Variants in SCFD1 observed in about 807,000 individuals in gnomAD.
SCFD1 encodes sec1 family domain containing 1, also known as sec1 family domain-containing protein 1.
Under a neutral mutation model 103.2 loss-of-function variants are expected in SCFD1, and 37 were observed. That is an observed-to-expected ratio of 0.36 (90% confidence interval 0.28 to 0.47). The LOEUF is 0.47. Among genes scored for constraint, SCFD1 ranks in the 20% least tolerant of loss-of-function variants. The probability of loss-of-function intolerance (pLI) is 1.00; values close to 1 mark genes in which losing one functional copy is unlikely to be tolerated. For synonymous variants in SCFD1, 264 were observed against 245.0 expected (o/e 1.08, Z -0.73); for missense variants, 639 against 761.2 (o/e 0.84, Z 1.89).
chr14:30,732,348 C>T (rs1384370501), intron 23 of SCFD1, among the ~76,000 whole-genome samples: 1 of 152,162 alleles, frequency 6.6e-6, no homozygotes, highest in Non-Finnish European at 1.5e-5. Context: ...GAGCAGACAT[C>T]CTTGTCTTCT....
intron 23 of SCFD1, among the ~76,000 whole-genome samples, chr14:30,734,055 C>T (rs185750228): frequency 5.1e-4 from 78 of 152,230 alleles, no homozygotes; most frequent in African/African-American, 1.7e-3. Flanking sequence ...AGATGGCCAT[C>T]TAGGACATGT....
chr14:30,735,558 T>C (rs1048130120), intron 24 of SCFD1, 28 bp from the exon 25 acceptor site: 9 of 1,517,232 alleles, frequency 5.9e-6, no homozygotes, highest in Non-Finnish European at 8.2e-6. Context: ...TTTAAAAGTT[T>C]TATGTATGAT....
intron 19 of SCFD1, among the ~76,000 whole-genome samples, chr14:30,709,854 A>G (rs1382855383): frequency 1.3e-5 from 2 of 152,228 alleles, no homozygotes; most frequent in Non-Finnish European, 2.9e-5. Flanking sequence ...TAGACTGGCT[A>G]TTACATAACC....
chr14:30,695,505 G>A (rs919179422), intron 15 of SCFD1, among the ~76,000 whole-genome samples: 3 of 152,118 alleles, frequency 2.0e-5, no homozygotes, highest in Non-Finnish European at 4.4e-5. Context: ...AGGAAAGGGA[G>A]AGAGGTGGAG....
chr14:30,691,319 C>G (rs557281026), intron 14 of SCFD1, among the ~76,000 whole-genome samples: 2 of 152,208 alleles, frequency 1.3e-5, no homozygotes, highest in African/African-American at 4.8e-5. Context: ...CTCTGGTACC[C>G]TAGAGCTGTA....
chr14:30,628,061 A>T (rs1883706824), intron 1 of SCFD1, 148 bp from the exon 2 acceptor site: 1 of 553,964 alleles, frequency 1.8e-6, no homozygotes. Context: ...ACAAGATCTG[A>T]CCCCTAGTTC....
Position 30,666,408 on chromosome 14 carries a change from G to A in SCFD1, c.856-3848G>A, listed in dbSNP as rs1197108696. Among the ~76,000 whole-genome samples, 3 of 152,324 alleles carry A rather than the reference G, an allele frequency of 2.0e-5. No homozygotes were observed. In the East Asian group the frequency reaches 5.8e-4, roughly 29 times the overall value. ...TGGGACACATTTAAAGCAGTGTGTA[G>A]AGGGAAATTTATAGCACTAAATGCC... On this transcript the variant is annotated intron_variant, in intron 10 of 24. Coordinates refer to ENST00000458591, the MANE Select transcript of SCFD1 (RefSeq NM_016106.4).
chr14:30,683,495 G>C, intron 14 of SCFD1: 1 of 350,818 alleles, frequency 2.9e-6, no homozygotes, highest in Non-Finnish European at 5.5e-6. Flanking sequence ...ATGAGCTCCT[G>C]TTGTTTTGCC....
intron 23 of SCFD1, 189 bp from the exon 24 acceptor site, chr14:30,734,601 G>A: frequency 1.8e-6 from 1 of 550,774 alleles, no homozygotes; most frequent in Non-Finnish European, 3.3e-6. Context: ...AAAATACTAT[G>A]CTCATTTCAC....
chr14:30,678,694 T>A (rs1346537373), intron 14 of SCFD1, among the ~76,000 whole-genome samples: 2 of 152,150 alleles, frequency 1.3e-5, no homozygotes, highest in Admixed American at 6.5e-5. Flanking sequence ...GCATAGTTGA[T>A]GAGATGAGAG....
intron 14 of SCFD1, among the ~76,000 whole-genome samples, chr14:30,683,876 G>A (rs1416504867): frequency 6.6e-6 from 1 of 152,130 alleles, no homozygotes; most frequent in Admixed American, 6.6e-5. Flanking sequence ...CTGCTGAATG[G>A]TTATTGGGGA....
intron 10 of SCFD1, among the ~76,000 whole-genome samples, chr14:30,666,931 A>T (rs986892994): frequency 1.3e-5 from 2 of 152,204 alleles, no homozygotes; most frequent in African/African-American, 4.8e-5. Flanking sequence ...ACCCAAAAAA[A>T]AAGTCCAGGA....
intron 7 of SCFD1, chr14:30,643,850 A>T: frequency 2.3e-6 from 1 of 426,050 alleles, no homozygotes; most frequent in Non-Finnish European, 4.6e-6. Flanking sequence ...TTTATTTTTA[A>T]TTTTTTTTTA....
chr14:30,641,536 G>A (rs1885275242), intron 6 of SCFD1, among the ~76,000 whole-genome samples: 1 of 152,198 alleles, frequency 6.6e-6, no homozygotes, highest in Non-Finnish European at 1.5e-5. Context: ...TAAAAGGTTT[G>A]AAGTGTCTAC....
chr14:30,639,550 T>A (rs568765685), intron 5 of SCFD1, among the ~76,000 whole-genome samples: 1 of 152,216 alleles, frequency 6.6e-6, no homozygotes, highest in Admixed American at 6.5e-5. Context: ...GAAAATGTTA[T>A]TCTCCTCCTT....
chr14:30,720,418 A>C (rs554154072), intron 21 of SCFD1, among the ~76,000 whole-genome samples: 21 of 152,296 alleles, frequency 1.4e-4, no homozygotes, highest in Admixed American at 1.3e-4. Flanking sequence ...ACAATGGATT[A>C]GCAACTTTTT....
chr14:30,680,527 A>T (rs1889388163), intron 14 of SCFD1, among the ~76,000 whole-genome samples: 1 of 152,214 alleles, frequency 6.6e-6, no homozygotes, highest in Non-Finnish European at 1.5e-5. Flanking sequence ...TGTTCTCTCT[A>T]CCATGCTGTA....
intron 1 of SCFD1, among the ~76,000 whole-genome samples, chr14:30,626,964 G>A (rs1024542782): frequency 6.6e-6 from 1 of 152,154 alleles, no homozygotes; most frequent in Non-Finnish European, 1.5e-5. Flanking sequence ...GGTGATTTTA[G>A]TATTACATAG....
intron 19 of SCFD1, among the ~76,000 whole-genome samples, chr14:30,713,972 G>T (rs1876633240): frequency 6.6e-6 from 1 of 152,056 alleles, no homozygotes; most frequent in South Asian, 2.1e-4. Flanking sequence ...ATTTAAATCT[G>T]CACCCAGTTA....
Sources: gnomAD v4.1 joint callset for allele counts (sites outside exome capture counted in the v4.1 genomes callset) on GRCh38, gnomAD v4.1.1 for gene constraint, MANE v1.5 for transcripts, NCBI Gene and HGNC (gene_info 2026-07-23, HGNC 2026-07-21) for gene names.